PLXDC2: variants seen among roughly 807,000 people sequenced by gnomAD.
PLXDC2 encodes the protein plexin domain containing 2.
A neutral mutation model predicts 68.9 loss-of-function variants in PLXDC2; 40 were observed. The ratio of observed to expected loss-of-function variants is 0.58; its 90% CI spans 0.45 to 0.76. The LOEUF (loss-of-function observed/expected upper bound fraction) is 0.76. PLXDC2 is among the 30% of genes least tolerant of loss of function. The pLI is 0.00. For missense variants in PLXDC2, 644 were observed against 661.9 expected (o/e 0.97, Z 0.30); for synonymous variants, 243 against 234.2 (o/e 1.04, Z -0.34).
At chr10:20,192,849 A>C (rs1834785535) in intron 9 of PLXDC2, among the ~76,000 whole-genome samples, 1 of 152,108 alleles carries the variant, frequency 6.6e-6, no homozygotes, top group African/African-American at 2.4e-5. Flanking sequence ...AGACAAGTAT[A>C]CAAGAAAACT....
At chr10:20,061,958 A>G (rs1836111857) in intron 3 of PLXDC2, among the ~76,000 whole-genome samples, 1 of 152,208 alleles carries the variant, frequency 6.6e-6, no homozygotes. Context: ...ATGCTTGTTT[A>G]GGAAACTAGT....
At chr10:20,079,512 A>G (rs1251237107) in intron 4 of PLXDC2, among the ~76,000 whole-genome samples, 2 of 152,240 alleles carry the variant, frequency 1.3e-5, no homozygotes, top group Admixed American at 1.3e-4. Context: ...TATTTACAAT[A>G]GCAAAGACTT....
chr10:20,022,205 T>C (rs1014091097), intron 2 of PLXDC2, among the ~76,000 whole-genome samples: 1 of 152,238 alleles, frequency 6.6e-6, no homozygotes, highest in East Asian at 1.9e-4. Flanking sequence ...TCCTAGATTG[T>C]GTTCATCTAT....
In PLXDC2 at chr10:19,995,352, G is replaced by A. The variant is rs114325931; in HGVS notation, c.113-6423G>A. On this transcript the variant is annotated intron_variant, in intron 1 of 13. Coordinates refer to ENST00000377252, the MANE Select transcript of PLXDC2 (RefSeq NM_032812.9). ...AATTCCAAGAGTCCTTTCCACACAC[G>A]GTATGCATTTTATGTTTTCAGCAAT... Among the ~76,000 whole-genome samples, 777 of 152,180 alleles carry A rather than the reference G, an allele frequency of 5.1e-3. 6 individuals are homozygous for A. Among genetic ancestry groups the A allele is most frequent in the African/African-American group, 0.018 (735 of 41,532 alleles).
chr10:19,886,854 A>C (rs2131356145), intron 1 of PLXDC2, among the ~76,000 whole-genome samples: 1 of 152,318 alleles, frequency 6.6e-6, no homozygotes, highest in South Asian at 2.1e-4. Context: ...ATATGTATTT[A>C]TGTTAGCGTT....
In PLXDC2 at chr10:20,287,573, T is replaced by C; in HGVS notation, c.*7754T>C. 6.6e-6 allele frequency: 1 copy of C among 152,080 alleles called. No individual in the cohort carries two copies. The highest frequency in any genetic ancestry group is 1.5e-5 in the Non-Finnish European group (1 of 68,028). 9.4% of individuals were successfully genotyped at this position (152,080 alleles called of 1,614,324 possible). A position where few individuals can be genotyped will look rare whatever the true frequency, so the allele number is the denominator to read the frequency against. ...TATAGCAGGGAAATAAAAACTCAAA[T>C]TAGGCATCCTGCAGCAGGCTACTCT... On this transcript the variant is annotated 3_prime_UTR_variant, in exon 14 of 14. Coordinates refer to ENST00000377252, the MANE Select transcript of PLXDC2 (RefSeq NM_032812.9).
At chr10:20,002,252 T>A (rs1834954302) in intron 2 of PLXDC2, among the ~76,000 whole-genome samples, 1 of 149,582 alleles carries the variant, frequency 6.7e-6, no homozygotes, top group Admixed American at 6.9e-5. Flanking sequence ...GAATTCATTG[T>A]GTAAGAGCTT....
chr10:20,149,025 T>G (rs1480506777), intron 6 of PLXDC2, among the ~76,000 whole-genome samples: 1 of 152,086 alleles, frequency 6.6e-6, no homozygotes, highest in Non-Finnish European at 1.5e-5. Context: ...CAGGTTATAA[T>G]TATAGACTAT....
chr10:19,885,245 G>A (rs1327001373), intron 1 of PLXDC2, among the ~76,000 whole-genome samples: 2 of 151,498 alleles, frequency 1.3e-5, no homozygotes, highest in African/African-American at 4.9e-5. Context: ...TGTAGATTCT[G>A]GATATTAGCC....
chr10:19,932,267 C>G (rs1833649478), intron 1 of PLXDC2, among the ~76,000 whole-genome samples: 1 of 152,118 alleles, frequency 6.6e-6, no homozygotes, highest in Non-Finnish European at 1.5e-5. Flanking sequence ...TTTCACTCCT[C>G]TATTTATTTT....
intron 1 of PLXDC2, among the ~76,000 whole-genome samples, chr10:19,991,242 C>G (rs12784786): frequency 0.52 from 71,757 of 137,860 alleles, 17,997 homozygotes; most frequent in East Asian, 0.62. Context: ...CCGAAACTCT[C>G]TCTCAAAAAA....
intron 1 of PLXDC2, among the ~76,000 whole-genome samples, chr10:19,841,434 A>G (rs964732290): frequency 2.0e-5 from 3 of 151,944 alleles, no homozygotes; most frequent in African/African-American, 4.8e-5. Flanking sequence ...AATTCTGTTC[A>G]TTATAGATAT....
rs567588999 is a variant in PLXDC2, at chr10:20,260,214, C to G, written c.1473+14709C>G. ...TTTGTGTGATACATGCACCTAAAAT[C>G]TATGCCCTTAACATATTTTCAGTAT... On this transcript the variant is annotated intron_variant, in intron 13 of 13. Transcript: ENST00000377252. 9.0e-4 allele frequency among the ~76,000 whole-genome samples: 137 copies of G among 152,280 alleles called. 1 individual carries two copies. Among genetic ancestry groups the G allele is most frequent in the African/African-American group, 3.2e-3 (134 of 41,570 alleles).
intron 1 of PLXDC2, among the ~76,000 whole-genome samples, chr10:19,933,992 T>C (rs17686251): frequency 7.9e-5 from 12 of 152,188 alleles, no homozygotes; most frequent in Non-Finnish European, 1.6e-4. Flanking sequence ...TTGTCAATTC[T>C]TCTTGTTTTG....
chr10:20,215,586 G>A (rs539891635), intron 10 of PLXDC2, among the ~76,000 whole-genome samples: 3 of 152,104 alleles, frequency 2.0e-5, no homozygotes, highest in African/African-American at 7.2e-5. Flanking sequence ...CAGAGAATTA[G>A]GGGTGGCAAA....
rs61651939 is a variant in PLXDC2 at position 19,867,064 on chromosome 10, C to CTTTTT, written c.112+49889_112+49893dup. 5.6e-5 allele frequency among the ~76,000 whole-genome samples: 7 copies of CTTTTT among 124,706 alleles called. 1 individual carries two copies. Among genetic ancestry groups the CTTTTT allele is most frequent in the East Asian group, 2.4e-4 (1 of 4,226 alleles). 81.8% of individuals were successfully genotyped at this position (124,706 alleles called of 152,430 possible). The stretch of plus-strand genomic sequence containing the variant: ...ATTGGAATTCGGTCCTCCTTTCCCT[C>CTTTTT]TTTTTTTTTTTTTTTTTTTTGACAG... On this transcript the variant is annotated intron_variant, in intron 1 of 13. Transcript: ENST00000377252.
At chr10:20,085,942 TG>T (rs1172228177) in intron 4 of PLXDC2, among the ~76,000 whole-genome samples, 1 of 152,178 alleles carries the variant, frequency 6.6e-6, no homozygotes, top group Non-Finnish European at 1.5e-5. Context: ...TGCCTATAAA[TG>T]GTAAAAGGAA....
At chr10:19,984,653 A>G (rs761779400) in intron 1 of PLXDC2, among the ~76,000 whole-genome samples, 27 of 152,298 alleles carry the variant, frequency 1.8e-4, no homozygotes, top group Non-Finnish European at 1.8e-4. Flanking sequence ...GGGACCTCAG[A>G]CAGTATAAGT....
At chr10:20,027,562 C>T (rs556979962) in intron 2 of PLXDC2, among the ~76,000 whole-genome samples, 13 of 152,100 alleles carry the variant, frequency 8.5e-5, no homozygotes, top group South Asian at 2.1e-4. Flanking sequence ...CACAAATGGA[C>T]GAAGGCATTG....
Sources: allele counts gnomAD v4.1 joint callset (sites outside exome capture counted in the v4.1 genomes callset), GRCh38; gene constraint gnomAD v4.1.1; transcripts MANE v1.5; gene names NCBI Gene and HGNC (gene_info 2026-07-23, HGNC 2026-07-21).